Variants in LPCAT1 observed in about 807,000 individuals in gnomAD.
LPCAT1 encodes 1-acylglycerol-3-phosphate O-acyltransferase.
A neutral mutation model predicts 60.9 loss-of-function variants in LPCAT1; 23 were observed. That is an observed-to-expected ratio of 0.38 (90% CI 0.27 to 0.53). LPCAT1 has a LOEUF of 0.53. Ranked by LOEUF, LPCAT1 falls within the 20% of genes least tolerant of loss-of-function variation. The pLI, the probability that LPCAT1 is intolerant of heterozygous loss-of-function variation, is 0.82. For synonymous variants in LPCAT1, 340 were observed against 301.1 expected, an observed-to-expected ratio of 1.13 and a Z score of -1.34; for missense variants, 622 against 723.6, an observed-to-expected ratio of 0.86 and a Z score of 1.61.
chr5:1,515,505 G>A (rs1736481829), intron 1 of LPCAT1, among the ~76,000 whole-genome samples: 1 of 101,320 alleles, frequency 9.9e-6, no homozygotes, highest in African/African-American at 4.0e-5. Flanking sequence ...AGCCTGCCCT[G>A]TACACCCTGC....
intron 8 of LPCAT1, among the ~76,000 whole-genome samples, chr5:1,479,010 A>G (rs966546532): frequency 3.9e-5 from 6 of 152,236 alleles, no homozygotes; most frequent in African/African-American, 1.4e-4. Context: ...ATGTAAAGTA[A>G]AACTAAGAGC....
Position 1,467,137 on chromosome 5 carries a change from C to T in LPCAT1, c.1279-247G>A, listed in dbSNP as rs1044162566. The T allele has an allele frequency of 2.3e-5, 9 of 384,376 alleles. No individual in the cohort carries two copies. In the South Asian group the frequency reaches 5.7e-4, roughly 24 times the overall value. The allele number at this position is 384,376 out of a possible 1,614,324, so 23.8% of individuals were successfully genotyped here. On this transcript the variant is annotated intron_variant, in intron 12 of 13. Transcript: ENST00000283415. ...GATGCTTCTCGGGCAAGGGCTCAGACGCTGCCCACCCCACCCGTGATAGCT... is the reference window on the plus strand; with the variant it reads ...GATGCTTCTCGGGCAAGGGCTCAGATGCTGCCCACCCCACCCGTGATAGCT...
In LPCAT1 at chr5:1,521,155, C is replaced by T. The variant is rs902518159; in HGVS notation, c.135+2555G>A. 1.3e-5 allele frequency among the ~76,000 whole-genome samples: 2 copies of T among 152,216 alleles called. No homozygotes were observed. The highest frequency in any genetic ancestry group is 4.1e-4 in the South Asian group (2 of 4,836). On this transcript the variant is annotated intron_variant, in intron 1 of 13. Coordinates refer to ENST00000283415, the MANE Select transcript of LPCAT1 (RefSeq NM_024830.5). This position sits in a 1 kb window ranked among gnomAD's most constrained non-coding sequence, Gnocchi z 4.3. Reference sequence around the variant, plus strand: ...TTGCACGTATTACAGACCCTGATGGCTTTGATACCTCTTTTCAGATCTTAA... The same window carrying T: ...TTGCACGTATTACAGACCCTGATGGTTTTGATACCTCTTTTCAGATCTTAA...
At chr5:1,520,794 C>G (rs537828573) in intron 1 of LPCAT1, among the ~76,000 whole-genome samples, 1 of 136,296 alleles carries the variant, frequency 7.3e-6, no homozygotes, top group Non-Finnish European at 1.5e-5. Flanking sequence ...ACCCGGGAAG[C>G]AGAGCTTGTA....
rs1052695941 is a variant in LPCAT1 at position 1,502,407 on chromosome 5, C to A, written c.136-804G>T. 6.6e-6 allele frequency among the ~76,000 whole-genome samples: 1 copy of A among 152,196 alleles called. No individual in the cohort carries two copies. The highest frequency in any genetic ancestry group is 1.5e-5 in the Non-Finnish European group (1 of 68,046). On this transcript the variant is annotated intron_variant, in intron 1 of 13. Coordinates refer to ENST00000283415, the MANE Select transcript of LPCAT1 (RefSeq NM_024830.5). The surrounding 1 kb of genome is among the most constrained non-coding windows in gnomAD (Gnocchi z 5.5). ...TGGCCTGCAGTTTGCAAGGTTGGAC[C>A]TCAGACCACAGAGAAGACGGCAGAA... is the stretch of plus-strand genomic sequence containing the variant.
chr5:1,513,070 G>A (rs887961161), intron 1 of LPCAT1, among the ~76,000 whole-genome samples: 2 of 152,196 alleles, frequency 1.3e-5, no homozygotes, highest in Middle Eastern at 3.2e-3. Flanking sequence ...GGAGGGCCCA[G>A]GCAGGGTGGC....
chr5:1,473,210 G>C (rs1734759642), intron 11 of LPCAT1, among the ~76,000 whole-genome samples: 1 of 152,334 alleles, frequency 6.6e-6, no homozygotes, highest in African/African-American at 2.4e-5. Flanking sequence ...TGTCACACGG[G>C]ACATCTCATG....
At chr5:1,497,102 G>A (rs968001412) in intron 2 of LPCAT1, among the ~76,000 whole-genome samples, 3 of 152,236 alleles carry the variant, frequency 2.0e-5, no homozygotes, top group Admixed American at 6.5e-5. Flanking sequence ...GTGGGCATCA[G>A]AAGAGGGGTG....
intron 1 of LPCAT1, among the ~76,000 whole-genome samples, chr5:1,520,748 A>G (rs567465649): frequency 6.7e-4 from 102 of 151,612 alleles, no homozygotes; most frequent in African/African-American, 2.4e-3. Context: ...CTGTAGTCCC[A>G]GCTACTCGGG....
At chr5:1,501,233 G>C (rs1046573629) in intron 2 of LPCAT1, among the ~76,000 whole-genome samples, 4 of 152,220 alleles carry the variant, frequency 2.6e-5, no homozygotes, top group Non-Finnish European at 5.9e-5. Flanking sequence ...CAGACCCCTG[G>C]AAAATGAAGC....
intron 3 of LPCAT1, among the ~76,000 whole-genome samples, chr5:1,493,211 G>A (rs1423216795): frequency 6.6e-6 from 1 of 152,172 alleles, no homozygotes; most frequent in Non-Finnish European, 1.5e-5. Context: ...GACCATCCCC[G>A]ATTTCCAAGC....
intron 2 of LPCAT1, among the ~76,000 whole-genome samples, chr5:1,500,928 G>A (rs141511295): frequency 0.012 from 1,826 of 152,352 alleles, 14 homozygotes; most frequent in Non-Finnish European, 0.019. Context: ...GGGCCACTGA[G>A]GCAGGGACCT....
rs1173902231 is a variant in LPCAT1 at position 1,477,062 on chromosome 5, G to A, written c.899+342C>T. Among the ~76,000 whole-genome samples the A allele has an allele frequency of 6.6e-6, 1 of 152,234 alleles. No individual in the cohort carries two copies. Among genetic ancestry groups the A allele is most frequent in the South Asian group, 2.1e-4 (1 of 4,834 alleles). On this transcript the variant is annotated intron_variant, in intron 9 of 13. Coordinates refer to ENST00000283415, the MANE Select transcript of LPCAT1 (RefSeq NM_024830.5). The surrounding 1 kb of genome is among the most constrained non-coding windows in gnomAD (Gnocchi z 6.0). ...CACAGGCAGATGAGCAAAGGTAGGC[G>A]TGGAGGCCGCCGCACAGATGTGAAG...
intron 1 of LPCAT1, among the ~76,000 whole-genome samples, chr5:1,505,569 TA>T (rs1736158087): frequency 7.6e-6 from 1 of 132,060 alleles, no homozygotes. Context: ...CCGGGTAGGG[TA>T]GTCAGGCTGC....
Position 1,466,937 on chromosome 5 carries a change from C to T in LPCAT1, c.1279-47G>A, listed in dbSNP as rs1362363528. 6 of 1,476,770 alleles carry T rather than the reference C, an allele frequency of 4.1e-6. No homozygotes were observed. The South Asian group carries it at 8.3e-5, about 20-fold the overall frequency. 91.5% of individuals were successfully genotyped at this position (1,476,770 alleles called of 1,614,324 possible). ...ACCTTGCAGCCTCCTCCCCTGCCCA[C>T]CAGGCCCCGCTGTCCAGGGACACCC... On this transcript the variant is annotated intron_variant, in intron 12 of 13. Coordinates refer to ENST00000283415, the MANE Select transcript of LPCAT1 (RefSeq NM_024830.5).
intron 1 of LPCAT1, among the ~76,000 whole-genome samples, chr5:1,515,217 G>GC (rs1186267891): frequency 4.0e-5 from 6 of 150,378 alleles, no homozygotes; most frequent in Non-Finnish European, 8.9e-5. Flanking sequence ...TCCCCAGCCT[G>GC]CCGGCCCTTC....
At chr5:1,484,481 AC>A (rs1735296069) in intron 5 of LPCAT1, among the ~76,000 whole-genome samples, 2 of 152,200 alleles carry the variant, frequency 1.3e-5, no homozygotes, top group Non-Finnish European at 2.9e-5. Flanking sequence ...CTGCCTGGCG[AC>A]CTGAGGCCAG....
At position 1,494,613 on chromosome 5, in the gene LPCAT1, G is replaced by C. The variant is rs926289916; in HGVS notation, c.493+87C>G. 134 of 1,265,692 alleles carry C rather than the reference G, an allele frequency of 1.1e-4. 1 individual carries two copies. The highest frequency in any genetic ancestry group is 3.8e-4 in the Middle Eastern group (2 of 5,286). The allele number at this position is 1,265,692 out of a possible 1,614,324, so 78.4% of individuals were successfully genotyped here. A position where few individuals can be genotyped will look rare whatever the true frequency, so the allele number is the denominator to read the frequency against. Reference sequence around the variant, plus strand: ...GGGGGGACCCTCACTCCCAGCAGGAGGGGAATCTCTTATTCTCAGCAGCAG... The same window carrying C: ...GGGGGGACCCTCACTCCCAGCAGGACGGGAATCTCTTATTCTCAGCAGCAG... On this transcript the variant is annotated intron_variant, in intron 3 of 13. Coordinates refer to ENST00000283415, the MANE Select transcript of LPCAT1 (RefSeq NM_024830.5).
At chr5:1,500,663 GC>G (rs1333842015) in intron 2 of LPCAT1, among the ~76,000 whole-genome samples, 1 of 152,254 alleles carries the variant, frequency 6.6e-6, no homozygotes, top group Non-Finnish European at 1.5e-5. Context: ...TGGGGAGCAG[GC>G]CCACTGGCCG....
Sources: allele counts gnomAD v4.1 joint callset (sites outside exome capture counted in the v4.1 genomes callset), GRCh38; gene constraint gnomAD v4.1.1; non-coding constraint Gnocchi (gnomAD v3.1); transcripts MANE v1.5; gene names NCBI Gene and HGNC (gene_info 2026-07-23, HGNC 2026-07-21).